The following ERMP1 variants were observed in gnomAD, a reference collection of about 807,000 sequenced individuals.
The protein encoded by ERMP1 is Felix-ina.
In ERMP1, 86 loss-of-function variants were observed where a neutral mutation model predicts 92.0. That is an observed-to-expected ratio of 0.93 (90% CI 0.79 to 1.12). The LOEUF (loss-of-function observed/expected upper bound fraction) is 1.12. ERMP1 is among the 50% of genes most tolerant of loss of function. The pLI, the probability that ERMP1 is intolerant of heterozygous loss-of-function variation, is 0.00. For synonymous variants in ERMP1, 530 were observed against 412.8 expected, an observed-to-expected ratio of 1.28 and a Z score of -3.44; for missense variants, 1,342 against 1,116.3, an observed-to-expected ratio of 1.20 and a Z score of -2.88.
chr9:5,811,294 G>A lies in ERMP1; in HGVS notation c.1144C>T (p.Leu382=), dbSNP rs1249087343. The A allele has an allele frequency of 4.3e-6, 7 of 1,612,926 alleles. No homozygotes were observed. Among genetic ancestry groups the A allele is most frequent in the Non-Finnish European group, 5.9e-6 (7 of 1,179,618 alleles). ...GDNILAVLKH[L]ATSDMLAAAS... ...GCAGCCAGCATATCAGATGTAGCTAGATGCTTAAGAACTGCTAAAATGTTG... is the reference window on the plus strand; with the variant it reads ...GCAGCCAGCATATCAGATGTAGCTAAATGCTTAAGAACTGCTAAAATGTTG... Residue 382 remains leucine, a synonymous_variant, in exon 7 of 15, where the codon CTA becomes TTA. Coordinates refer to ENST00000339450, the MANE Select transcript of ERMP1 (RefSeq NM_024896.3).
At chr9:5,788,859 A>G (rs1828051610) in intron 13 of ERMP1, among the ~76,000 whole-genome samples, 1 of 152,210 alleles carries the variant, frequency 6.6e-6, no homozygotes, top group Non-Finnish European at 1.5e-5. Flanking sequence ...GACTCAGAAA[A>G]GAAATGGAGG....
chr9:5,861,618 C>A (rs576826920), intron 5 of ERMP1, among the ~76,000 whole-genome samples: 3 of 150,910 alleles, frequency 2.0e-5, no homozygotes, highest in Non-Finnish European at 4.4e-5. Flanking sequence ...TGGCAAGAGA[C>A]GGAGATGGAA....
chr9:5,862,445 A>T (rs1423847721), intron 5 of ERMP1, among the ~76,000 whole-genome samples: 1 of 151,956 alleles, frequency 6.6e-6, no homozygotes, highest in East Asian at 1.9e-4. Flanking sequence ...AGATCCTCTC[A>T]CCTCAGCCTC....
At position 5,832,674 on chromosome 9, in the gene ERMP1, A is replaced by T. The variant is rs752899080; in HGVS notation, c.338+16T>A. 40 of 1,410,124 alleles carry T rather than the reference A, an allele frequency of 2.8e-5. No individual in the cohort carries two copies. The African/African-American group carries it at 4.7e-4, about 16-fold the overall frequency. The allele number at this position is 1,410,124 out of a possible 1,614,324, so 87.4% of individuals were successfully genotyped here. On this transcript the variant is annotated intron_variant, in intron 1 of 14. Transcript: ENST00000339450. The stretch of plus-strand genomic sequence containing the variant: ...AAACGGACGCGCGGGCCGTGCCAGG[A>T]GGGAGCGGCCGGTACCTGGCTTGGA...
chr9:5,818,720 AAAAAAG>A (rs1423499087), intron 4 of ERMP1, among the ~76,000 whole-genome samples: 4 of 152,154 alleles, frequency 2.6e-5, no homozygotes, highest in African/African-American at 9.6e-5. Context: ...CTCAAAAAAA[AAAAAAG>A]AAAAGAAAAG....
At chr9:5,787,884 A>G (rs544476115) in intron 13 of ERMP1, among the ~76,000 whole-genome samples, 3 of 152,200 alleles carry the variant, frequency 2.0e-5, no homozygotes, top group Admixed American at 2.0e-4. Context: ...CAATTTCTTC[A>G]TTGAGGGGAT....
chr9:5,835,012 TGTGTGTGTGTGTGA>T (rs1830074519), upstream of ERMP1, among the ~76,000 whole-genome samples: 1 of 150,926 alleles, frequency 6.6e-6, no homozygotes, highest in African/African-American at 2.5e-5. Context: ...TGTGTGTGTG[TGTGTGTGTGTGTGA>T]AAGATCCTCA....
Position 5,805,011 on chromosome 9 carries a change from A to G in ERMP1, c.1914+16T>C. The G allele has an allele frequency of 6.3e-7, 1 of 1,577,994 alleles. No homozygotes were observed. Among genetic ancestry groups the G allele is most frequent in the South Asian group, 1.2e-5 (1 of 85,646 alleles). On this transcript the variant is annotated intron_variant, in intron 10 of 14. Coordinates refer to ENST00000339450, the MANE Select transcript of ERMP1 (RefSeq NM_024896.3). Reference sequence around the variant, plus strand: ...ATAAAAAATGAAGAAAAAGAAAAAAACTTATTTTCTCTTACAAAATAGGAC... The same window carrying G: ...ATAAAAAATGAAGAAAAAGAAAAAAGCTTATTTTCTCTTACAAAATAGGAC...
rs1025846116 is a variant in ERMP1, at chr9:5,784,765, C to G, written c.*2379G>C. On this transcript the variant is annotated 3_prime_UTR_variant, in exon 15 of 15. Transcript: ENST00000339450. Reference sequence around the variant, plus strand: ...GTTTATATATGCTAAACTGTAAAAACAAACACTTCATGCGACAATCATTCT... The same window carrying G: ...GTTTATATATGCTAAACTGTAAAAAGAAACACTTCATGCGACAATCATTCT... The G allele has an allele frequency of 1.3e-5, 2 of 152,448 alleles. No individual in the cohort carries two copies. Among genetic ancestry groups the G allele is most frequent in the African/African-American group, 4.8e-5 (2 of 41,300 alleles). The allele number at this position is 152,448 out of a possible 1,614,324, so 9.4% of individuals were successfully genotyped here. A position where few individuals can be genotyped will look rare whatever the true frequency, so the allele number is the denominator to read the frequency against.
intron 6 of ERMP1, among the ~76,000 whole-genome samples, chr9:5,848,409 C>T (rs1006575870): frequency 2.6e-5 from 4 of 152,234 alleles, no homozygotes; most frequent in South Asian, 2.1e-4. Flanking sequence ...ACAGCTCTGC[C>T]GAGCCATTTC....
chr9:5,814,823 G>C (rs1385002084), intron 4 of ERMP1, among the ~76,000 whole-genome samples: 1 of 152,096 alleles, frequency 6.6e-6, no homozygotes, highest in African/African-American at 2.4e-5. Flanking sequence ...GGAGTTACCA[G>C]ACACAGATTC....
chr9:5,850,359 C>T (rs1472974264), intron 6 of ERMP1, among the ~76,000 whole-genome samples: 2 of 139,116 alleles, frequency 1.4e-5, no homozygotes, highest in South Asian at 2.2e-4. Context: ...GAGCCAAGAT[C>T]GCACCATTGC....
At chr9:5,846,054 T>C (rs556088729) in intron 6 of ERMP1, among the ~76,000 whole-genome samples, 1 of 152,132 alleles carries the variant, frequency 6.6e-6, no homozygotes, top group African/African-American at 2.4e-5. Context: ...TCTGGAGAGG[T>C]TGGGTGGGGT....
intron 13 of ERMP1, among the ~76,000 whole-genome samples, chr9:5,790,235 A>C (rs1240501197): frequency 2.1e-5 from 3 of 144,346 alleles, no homozygotes; most frequent in African/African-American, 7.8e-5. Flanking sequence ...GCTGGAGCGC[A>C]GTGGCGCAAT....
chr9:5,802,284 G>A (rs1436717362), intron 10 of ERMP1, among the ~76,000 whole-genome samples: 1 of 152,052 alleles, frequency 6.6e-6, no homozygotes, highest in African/African-American at 2.4e-5. Flanking sequence ...TGGAATATTG[G>A]TATACTATAG....
intron 3 of ERMP1, among the ~76,000 whole-genome samples, 162 bp downstream of exon 3, chr9:5,824,930 G>A (rs539724386): frequency 6.6e-6 from 1 of 152,220 alleles, no homozygotes; most frequent in East Asian, 1.9e-4. Context: ...AAGTGGTTGT[G>A]AATTTGTTAA....
chr9:5,797,376 G>A (rs568052379), intron 13 of ERMP1, among the ~76,000 whole-genome samples: 22 of 150,946 alleles, frequency 1.5e-4, no homozygotes, highest in South Asian at 6.3e-4. Flanking sequence ...TTGGCCGGGC[G>A]TGGTGGCTCA....
intron 2 of ERMP1, among the ~76,000 whole-genome samples, chr9:5,829,478 A>G (rs1563772218): frequency 6.6e-6 from 1 of 152,184 alleles, no homozygotes; most frequent in Non-Finnish European, 1.5e-5. Flanking sequence ...AAGTGTTAAT[A>G]TTACATAAGA....
chr9:5,832,835 C>T lies in ERMP1; in HGVS notation c.193G>A (p.Gly65Arg). The stretch of plus-strand genomic sequence containing the variant: ...GCGCGCACCTCAGACAGCCCGGTCC[C>T]CGCGCCCCTGCTCGCGCCGCCGCTA... Reference protein sequence around the residue: ...GGSGGASRGAGTGLSEVRAAL... With the variant: ...GGSGGASRGARTGLSEVRAAL... Residue 65 changes from glycine (G) to arginine (R), a missense_variant, in exon 1 of 15, where the codon GGG becomes AGG. Transcript: ENST00000339450. 1 of 1,502,476 alleles carries T rather than the reference C, an allele frequency of 6.7e-7. No homozygotes were observed. The highest frequency in any genetic ancestry group is 8.8e-7 in the Non-Finnish European group (1 of 1,133,880). The allele number at this position is 1,502,476 out of a possible 1,614,324, so 93.1% of individuals were successfully genotyped here. A position where few individuals can be genotyped will look rare whatever the true frequency, so the allele number is the denominator to read the frequency against.
Sources: gnomAD v4.1 joint callset for allele counts (sites outside exome capture counted in the v4.1 genomes callset) on GRCh38, gnomAD v4.1.1 for gene constraint, MANE v1.5 for transcripts, NCBI Gene and HGNC (gene_info 2026-07-23, HGNC 2026-07-21) for gene names.